CD101: variants seen among roughly 807,000 people sequenced by gnomAD.
The protein encoded by CD101 is CD101 molecule.
CD101 carries 76 observed loss-of-function variants against 98.2 expected under a neutral mutation model. The observed-to-expected ratio is 0.77, with a 90% CI of 0.64 to 0.94. The LOEUF is 0.94. Among genes scored for constraint, CD101 ranks in the 40% least tolerant of loss-of-function variants. The pLI is 0.00. For missense variants in CD101, 1,145 were observed against 1,218.8 expected, an observed-to-expected ratio of 0.94 and a Z score of 0.90; for synonymous variants, 471 against 472.7, an observed-to-expected ratio of 1.00 and a Z score of 0.05.
intron 8 of CD101, 26 bp downstream of exon 8, chr1:117,025,930 G>T: frequency 6.3e-7 from 1 of 1,580,818 alleles, no homozygotes; most frequent in South Asian, 1.2e-5. Flanking sequence ...TCTACCGCGA[G>T]CTCATGGTCA....
chr1:117,029,301 TGAAAGAAAGAAAGAA>T (rs1302454088), intron 8 of CD101, among the ~76,000 whole-genome samples: 3 of 133,428 alleles, frequency 2.2e-5, no homozygotes, highest in Non-Finnish European at 3.3e-5. Context: ...GTCCAACATC[TGAAAGAAAGAAAGAA>T]GAAAGAAAGA....
At position 117,011,751 on chromosome 1, in the gene CD101, CT is replaced by C; in HGVS notation, c.627del (p.Leu212CysfsTer25). The C allele has an allele frequency of 6.2e-7, 1 of 1,614,116 alleles. No individual in the cohort carries two copies. Among genetic ancestry groups the C allele is most frequent in the Non-Finnish European group, 8.5e-7 (1 of 1,180,006 alleles). On this transcript the variant is annotated frameshift_variant, in exon 3 of 10. Transcript: ENST00000682167. LOFTEE classifies it high-confidence loss of function. ...CTCTCCAAAGATTTTATATTGGTCCCTGGGCCCTTGTATACAGAGCGGTTTG... is the reference window on the plus strand; with the variant it reads ...CTCTCCAAAGATTTTATATTGGTCCCGGGCCCTTGTATACAGAGCGGTTTG... ...ISLSKDFILV[P>X]GPLYTERFAA...
Position 117,025,879 on chromosome 1 carries a change from G to T in CD101, c.2799G>T (p.Arg933=), listed in dbSNP as rs776983841. The T allele has an allele frequency of 6.2e-7, 1 of 1,612,548 alleles. No homozygotes were observed. Among genetic ancestry groups the T allele is most frequent in the South Asian group, 1.1e-5 (1 of 91,024 alleles). The change falls in exon 8 of 10, where the codon CGG becomes CGT. Residue 933 remains arginine, a synonymous_variant. Coordinates refer to ENST00000682167, the MANE Select transcript of CD101 (RefSeq NM_001256106.3). ...ATCAAGCATCCGATGAGTCACAGCG[G>T]ATGGTGCTCACGGTGCTGCCTTCAG... ...WINQASDESQ[R]MVLTVLPSEP... is the part of the protein sequence containing the mutation.
At chr1:117,030,992 T>A (rs988453550) in intron 8 of CD101, among the ~76,000 whole-genome samples, 1 of 152,246 alleles carries the variant, frequency 6.6e-6, no homozygotes, top group Non-Finnish European at 1.5e-5. Context: ...GACCTTGTAC[T>A]TTGAGCATTG....
At chr1:117,029,924 G>A (rs1654337429) in intron 8 of CD101, among the ~76,000 whole-genome samples, 1 of 152,206 alleles carries the variant, frequency 6.6e-6, no homozygotes, top group South Asian at 2.1e-4. Context: ...CTATGGCAGA[G>A]ACAACAGCTT....
chr1:117,034,293 C>G, intron 9 of CD101, 159 bp downstream of exon 9: 1 of 631,508 alleles, frequency 1.6e-6, no homozygotes, highest in Non-Finnish European at 2.7e-6. Flanking sequence ...TGTGTCTTAC[C>G]TCATCCACCT....
Position 117,012,346 on chromosome 1 carries a change from T to A in CD101, c.841+380T>A, listed in dbSNP as rs902017554. Among the ~76,000 whole-genome samples, 1 of 152,186 alleles carries A rather than the reference T, an allele frequency of 6.6e-6. No individual in the cohort carries two copies. Among genetic ancestry groups the A allele is most frequent in the Admixed American group, 6.5e-5 (1 of 15,290 alleles). The stretch of plus-strand genomic sequence containing the variant: ...ATTTTAAAAATGAGGACTCTGAACT[T>A]CAGACATGCTAGATGCGCTGCCTAA... On this transcript the variant is annotated intron_variant, in intron 3 of 9. Coordinates refer to ENST00000682167, the MANE Select transcript of CD101 (RefSeq NM_001256106.3). This position sits in a 1 kb window ranked among gnomAD's most constrained non-coding sequence, Gnocchi z 4.0.
chr1:117,022,031 GT>G lies in CD101; in HGVS notation c.2428+52del. The stretch of plus-strand genomic sequence containing the variant: ...CACAATGTCTGTCTGTCTGACGGCT[GT>G]TTTCTCTTGGGCAGCTGTTCTATGG... On this transcript the variant is annotated intron_variant, in intron 7 of 9. Transcript: ENST00000682167. This position sits in a 1 kb window ranked among gnomAD's most constrained non-coding sequence, Gnocchi z 4.8. 6.5e-7 allele frequency: 1 copy of G among 1,545,058 alleles called. No homozygotes were observed. The highest frequency in any genetic ancestry group is 8.7e-7 in the Non-Finnish European group (1 of 1,147,960).
intron 4 of CD101, among the ~76,000 whole-genome samples, chr1:117,016,202 T>C (rs527328094): frequency 2.0e-5 from 3 of 147,522 alleles, no homozygotes; most frequent in Non-Finnish European, 3.0e-5. Flanking sequence ...ATATATATAT[T>C]TATTTATATA....
intron 1 of CD101, among the ~76,000 whole-genome samples, chr1:117,009,448 A>G (rs1652743966): frequency 6.6e-6 from 1 of 152,268 alleles, no homozygotes; most frequent in African/African-American, 2.4e-5. Flanking sequence ...TTCTCTGGGA[A>G]CTGCCCGATG....
chr1:117,009,978 T>C lies in CD101; in HGVS notation c.172T>C (p.Trp58Arg), dbSNP rs767104900. 1.1e-5 allele frequency: 17 copies of C among 1,614,222 alleles called. No individual in the cohort carries two copies. The highest frequency in any genetic ancestry group is 1.4e-5 in the Non-Finnish European group (17 of 1,180,030). ...HQGPSEQHFQ[W>R]SVYLPTNPTQ... Reference sequence around the variant, plus strand: ...GGGACCTTCTGAGCAGCATTTCCAGTGGTCTGTTTACCTGCCGACAAACCC... The same window carrying C: ...GGGACCTTCTGAGCAGCATTTCCAGCGGTCTGTTTACCTGCCGACAAACCC... Residue 58 changes from tryptophan (W) to arginine (R), a missense_variant, in exon 2 of 10, where the codon TGG becomes CGG. By Grantham distance (101) the Trp-to-Arg change is moderately radical (BLOSUM62 -3). Coordinates refer to ENST00000682167, the MANE Select transcript of CD101 (RefSeq NM_001256106.3).
In CD101 at chr1:117,025,714, C is replaced by T. The variant is rs766466382; in HGVS notation, c.2634C>T (p.Leu878=). The T allele has an allele frequency of 2.5e-6, 4 of 1,614,144 alleles. No individual in the cohort carries two copies. In the South Asian group the frequency reaches 3.3e-5, roughly 13 times the overall value. The change falls in exon 8 of 10, where the codon CTC becomes CTT. Residue 878 remains leucine (L), a synonymous_variant. Transcript: ENST00000682167. ...TGCTGGAGTATGGGGAAGAGGGGCT[C>T]AGGAGGCACCTGCACTGTTACCGTT... ...DGLLEYGEEG[L]RRHLHCYRSS... is the part of the protein sequence containing the mutation.
At chr1:117,009,519 G>T (rs1652747853) in intron 1 of CD101, among the ~76,000 whole-genome samples, 1 of 152,230 alleles carries the variant, frequency 6.6e-6, no homozygotes, top group Non-Finnish European at 1.5e-5. Flanking sequence ...AGAAAATAAT[G>T]TAAAGTTACC....
At chr1:117,024,725 A>G (rs1653795674) in intron 7 of CD101, among the ~76,000 whole-genome samples, 1 of 152,160 alleles carries the variant, frequency 6.6e-6, no homozygotes, top group Non-Finnish European at 1.5e-5. Context: ...TTGCATCAAA[A>G]TGTTCAGTCT....
rs887543647 is a variant in CD101 at position 117,022,405 on chromosome 1, G to A, written c.2428+422G>A. ...GTACAACTCTATGGGGATGTGTGGA[G>A]AAATTGCTTCTCAACATTTAGCTGC... On this transcript the variant is annotated intron_variant, in intron 7 of 9. Transcript: ENST00000682167. The surrounding 1 kb of genome is among the most constrained non-coding windows in gnomAD (Gnocchi z 4.8). 6.6e-6 allele frequency among the ~76,000 whole-genome samples: 1 copy of A among 152,224 alleles called. No homozygotes were observed. Among genetic ancestry groups the A allele is most frequent in the Non-Finnish European group, 1.5e-5 (1 of 68,044 alleles).
At chr1:117,020,777 G>T (rs536655154) in intron 6 of CD101, among the ~76,000 whole-genome samples, 28 of 152,330 alleles carry the variant, frequency 1.8e-4, no homozygotes, top group Admixed American at 1.8e-3. Context: ...GCCTGGAATT[G>T]TCTGGCACAT....
At position 117,023,986 on chromosome 1, in the gene CD101, G is replaced by C. The variant is rs552666345; in HGVS notation, c.2429-1523G>C. 6.6e-6 allele frequency among the ~76,000 whole-genome samples: 1 copy of C among 152,266 alleles called. No individual in the cohort carries two copies. Among genetic ancestry groups the C allele is most frequent in the Admixed American group, 6.5e-5 (1 of 15,300 alleles). ...GAGGGTCCCTTGAACTGGGAAATTG[G>C]GCCCTGGCCAAGTAAAGTGATGGGA... On this transcript the variant is annotated intron_variant, in intron 7 of 9. Coordinates refer to ENST00000682167, the MANE Select transcript of CD101 (RefSeq NM_001256106.3). The surrounding 1 kb of genome is among the most constrained non-coding windows in gnomAD (Gnocchi z 4.4).
rs149748116 is a variant in CD101 at position 117,032,339 on chromosome 1, G to C, written c.2825-1521G>C. 3.9e-5 allele frequency: 6 copies of C among 152,344 alleles called. No individual in the cohort carries two copies. The East Asian group carries it at 5.8e-4, about 15-fold the overall frequency. 9.4% of individuals were successfully genotyped at this position (152,344 alleles called of 1,614,324 possible). On this transcript the variant is annotated intron_variant, in intron 8 of 9. Transcript: ENST00000682167. ...ATTCATCAGGCTCCATTGAGACCCT[G>C]TGAACAAAGAGTTGAGGAAGATAAA...
chr1:117,010,349 ATGTACCCC>A lies in CD101; in HGVS notation c.424+123_424+130del, dbSNP rs1652816384. On this transcript the variant is annotated intron_variant, in intron 2 of 9. Coordinates refer to ENST00000682167, the MANE Select transcript of CD101 (RefSeq NM_001256106.3). The surrounding 1 kb of genome is among the most constrained non-coding windows in gnomAD (Gnocchi z 5.2). ...TCCATTTTCTTTGGGAAAAGAGCCCATGTACCCCTGTGGATATTTTGGAGATATGTCAC... is the reference window on the plus strand; with the variant it reads ...TCCATTTTCTTTGGGAAAAGAGCCCATGTGGATATTTTGGAGATATGTCAC... The A allele has an allele frequency of 1.9e-6, 2 of 1,056,290 alleles. No homozygotes were observed. Among genetic ancestry groups the A allele is most frequent in the Non-Finnish European group, 2.7e-6 (2 of 734,924 alleles). The allele number at this position is 1,056,290 out of a possible 1,614,324, so 65.4% of individuals were successfully genotyped here. A position where few individuals can be genotyped will look rare whatever the true frequency, so the allele number is the denominator to read the frequency against.
Sources: gnomAD v4.1 joint callset for allele counts (sites outside exome capture counted in the v4.1 genomes callset) on GRCh38, gnomAD v4.1.1 for gene constraint, Gnocchi (gnomAD v3.1) non-coding constraint, MANE v1.5 for transcripts, NCBI Gene and HGNC (gene_info 2026-07-23, HGNC 2026-07-21) for gene names.